PCDH15: variants seen among roughly 807,000 people sequenced by gnomAD.
PCDH15 encodes protocadherin related 15.
PCDH15 carries 129 observed loss-of-function variants against 178.5 expected under a neutral mutation model. The ratio of observed to expected loss-of-function variants is 0.72; its 90% CI spans 0.63 to 0.84. The LOEUF (loss-of-function observed/expected upper bound fraction) is 0.84. Among genes scored for constraint, PCDH15 ranks in the 40% least tolerant of loss-of-function variants. PCDH15 has a pLI of 0.00. For synonymous variants in PCDH15, 800 were observed against 732.0 expected (o/e 1.09, Z -1.50); for missense variants, 2,230 against 2,099.9 (o/e 1.06, Z -1.21).
At chr10:55,245,147 T>C (rs1841651649) in intron 1 of PCDH15, among the ~76,000 whole-genome samples, 1 of 152,132 alleles carries the variant, frequency 6.6e-6, no homozygotes, top group African/African-American at 2.4e-5. Flanking sequence ...TGTATCATGA[T>C]GTGTAAAGCA....
In PCDH15 at chr10:53,903,831, A is replaced by G. The variant is rs574574043; in HGVS notation, c.3374-461T>C. Among the ~76,000 whole-genome samples the G allele has an allele frequency of 1.6e-4, 24 of 152,296 alleles. No homozygotes were observed. In the South Asian group the frequency reaches 4.4e-3, roughly 28 times the overall value. On this transcript the variant is annotated intron_variant, in intron 25 of 37. Coordinates refer to ENST00000644397, the MANE Select transcript of PCDH15 (RefSeq NM_001384140.1). ...TGGCATTTCTTTAGCTTAAAATTGT[A>G]CAATAACTTTTATGTTTTAAGACTA...
chr10:54,853,318 T>TATATATACACACAC (rs1194965974), intron 3 of PCDH15, among the ~76,000 whole-genome samples: 45 of 102,034 alleles, frequency 4.4e-4, no homozygotes, highest in Middle Eastern at 4.5e-3. Context: ...TATATATATA[T>TATATATACACACAC]ACATACACAC....
chr10:54,946,222 C>G (rs968299235), intron 2 of PCDH15, among the ~76,000 whole-genome samples: 4 of 151,834 alleles, frequency 2.6e-5, no homozygotes, highest in African/African-American at 9.7e-5. Flanking sequence ...AGAGATATCA[C>G]AGCCCAGGGT....
At chr10:55,280,770 T>C (rs916157643) in intron 1 of PCDH15, among the ~76,000 whole-genome samples, 2 of 152,192 alleles carry the variant, frequency 1.3e-5, no homozygotes, top group Non-Finnish European at 2.9e-5. Context: ...CTCTCTCTAG[T>C]TAAATTCACA....
intron 1 of PCDH15, among the ~76,000 whole-genome samples, chr10:55,172,676 C>T (rs954266854): frequency 6.6e-6 from 1 of 151,876 alleles, no homozygotes; most frequent in Non-Finnish European, 1.5e-5. Flanking sequence ...TGAGAGAGTT[C>T]ACACAGAACA....
chr10:55,500,345 ATCTTAT>A (rs1840628858), intron 2 of PCDH15, among the ~76,000 whole-genome samples: 1 of 148,582 alleles, frequency 6.7e-6, no homozygotes, highest in Non-Finnish European at 1.5e-5. Context: ...ACAGTATATT[ATCTTAT>A]TTTTTAGATT....
intron 1 of PCDH15, among the ~76,000 whole-genome samples, chr10:55,220,153 T>C (rs1840829266): frequency 6.6e-6 from 1 of 152,000 alleles, no homozygotes. Flanking sequence ...CCTAAGTATA[T>C]TGATCACCCT....
intron 2 of PCDH15, among the ~76,000 whole-genome samples, chr10:54,652,715 A>T (rs1314857498): frequency 6.6e-6 from 1 of 152,168 alleles, no homozygotes; most frequent in Non-Finnish European, 1.5e-5. Context: ...AAGAGGGTAG[A>T]TATCTGAAAG....
chr10:54,898,262 TA>T (rs1312319453), intron 2 of PCDH15, among the ~76,000 whole-genome samples: 63 of 152,194 alleles, frequency 4.1e-4, no homozygotes, highest in African/African-American at 1.4e-3. Flanking sequence ...TAACACATAG[TA>T]CATATATTTA....
At chr10:54,104,767 G>A (rs978329758) in intron 15 of PCDH15, among the ~76,000 whole-genome samples, 3 of 149,056 alleles carry the variant, frequency 2.0e-5, no homozygotes, top group Admixed American at 6.8e-5. Flanking sequence ...AACCCAGGAG[G>A]TGGAGCTTGC....
intron 2 of PCDH15, among the ~76,000 whole-genome samples, chr10:54,586,241 CAATT>C (rs967126136): frequency 1.6e-4 from 25 of 152,060 alleles, no homozygotes; most frequent in African/African-American, 5.8e-4. Context: ...GTGTGTCACA[CAATT>C]TATTTATGAA....
intron 20 of PCDH15, among the ~76,000 whole-genome samples, chr10:54,002,853 G>A (rs113114567): frequency 2.0e-5 from 3 of 152,134 alleles, no homozygotes; most frequent in African/African-American, 7.2e-5. Flanking sequence ...AAGGGGAGGG[G>A]GTAACACAGG....
intron 3 of PCDH15, among the ~76,000 whole-genome samples, chr10:54,521,135 T>A (rs887589468): frequency 6.6e-6 from 1 of 151,536 alleles, no homozygotes; most frequent in African/African-American, 2.4e-5. Context: ...ATGGGTGCAG[T>A]ACACCAACAT....
intron 3 of PCDH15, among the ~76,000 whole-genome samples, chr10:54,469,449 A>G (rs1201927473): frequency 6.6e-6 from 1 of 152,172 alleles, no homozygotes; most frequent in African/African-American, 2.4e-5. Flanking sequence ...GAACTACAAA[A>G]TTTAATCAAT....
chr10:55,481,117 T>A (rs970694722), intron 2 of PCDH15, among the ~76,000 whole-genome samples: 1 of 151,972 alleles, frequency 6.6e-6, no homozygotes, highest in Non-Finnish European at 1.5e-5. Context: ...TTCTATTTTA[T>A]GTGCATAGAA....
Position 54,708,801 on chromosome 10 carries a change from TGCGC to T in PCDH15, c.-28-44515_-28-44512del, listed in dbSNP as rs58888332. 5.3e-4 allele frequency among the ~76,000 whole-genome samples: 67 copies of T among 125,664 alleles called. 1 individual carries two copies. The highest frequency in any genetic ancestry group is 1.3e-3 in the Admixed American group (16 of 12,244). 82.4% of individuals were successfully genotyped at this position (125,664 alleles called of 152,430 possible). Reference sequence around the variant, plus strand: ...TAACGTGTGTGTGTGTGTGTGTGTGTGCGCGCGCGTGCGTGTGGTCATCTTTATT... The same window carrying T: ...TAACGTGTGTGTGTGTGTGTGTGTGTGCGCGTGCGTGTGGTCATCTTTATT... On this transcript the variant is annotated intron_variant, in intron 1 of 37. Coordinates refer to ENST00000644397, the MANE Select transcript of PCDH15 (RefSeq NM_001384140.1).
At chr10:54,214,074 A>G (rs981551725) in intron 9 of PCDH15, 26 bp from the exon 10 acceptor site, 1 of 1,265,856 alleles carries the variant, frequency 7.9e-7, no homozygotes, top group African/African-American at 1.5e-5. Context: ...ATTTCAGTAC[A>G]TAATTGAGAA....
chr10:55,589,372 C>A (rs561864355), intron 2 of PCDH15, among the ~76,000 whole-genome samples: 3 of 152,054 alleles, frequency 2.0e-5, no homozygotes, highest in Non-Finnish European at 2.9e-5. Flanking sequence ...TATAGATATA[C>A]GGCGTTATTT....
At chr10:55,369,272 T>A (rs1202847171) in intron 2 of PCDH15, among the ~76,000 whole-genome samples, 2 of 151,936 alleles carry the variant, frequency 1.3e-5, no homozygotes, top group African/African-American at 4.8e-5. Context: ...GGTAAGTAGT[T>A]TCTGCACACT....
Sources: allele counts gnomAD v4.1 joint callset (sites outside exome capture counted in the v4.1 genomes callset), GRCh38; gene constraint gnomAD v4.1.1; transcripts MANE v1.5; gene names NCBI Gene and HGNC (gene_info 2026-07-23, HGNC 2026-07-21).